ST6GALNAC3: variants seen among roughly 807,000 people sequenced by gnomAD.
ST6GALNAC3 encodes the protein ST6 N-acetylgalactosaminide alpha-2,6-sialyltransferase 3, also known as alpha-N-acetylgalactosaminide alpha-2,6-sialyltransferase 3.
A neutral mutation model predicts 32.7 loss-of-function variants in ST6GALNAC3; 25 were observed. That is an observed-to-expected ratio of 0.76 (90% CI 0.56 to 1.07). The LOEUF (loss-of-function observed/expected upper bound fraction) is 1.07, where lower values mean the gene tolerates loss of function less well. Ranked by LOEUF, ST6GALNAC3 falls within the 50% of genes least tolerant of loss-of-function variation. ST6GALNAC3 has a pLI of 0.00. For missense variants in ST6GALNAC3, 355 were observed against 382.4 expected, an observed-to-expected ratio of 0.93 and a Z score of 0.60; for synonymous variants, 129 against 133.1, an observed-to-expected ratio of 0.97 and a Z score of 0.21.
At chr1:76,635,783 C>T (rs1649489571), downstream of ST6GALNAC3, among the ~76,000 whole-genome samples, 1 of 152,088 alleles carries the variant, frequency 6.6e-6, no homozygotes, top group South Asian at 2.1e-4. Flanking sequence ...CTCTATTCGG[C>T]CTGCTAAAAG....
In ST6GALNAC3 at chr1:76,576,314, G is replaced by A. The variant is rs189139794; in HGVS notation, c.624-51138G>A. The stretch of plus-strand genomic sequence containing the variant: ...CAAAGGGTAGAATTTAATGGCACCC[G>A]TAGACACTGTGGAAAATGAAGTGTT... On this transcript the variant is annotated intron_variant, in intron 3 of 4. Transcript: ENST00000328299. 1.0e-3 allele frequency among the ~76,000 whole-genome samples: 159 copies of A among 152,178 alleles called. 2 individuals are homozygous for A. Among genetic ancestry groups the A allele is most frequent in the Middle Eastern group, 0.01 (3 of 294 alleles).
intron 1 of ST6GALNAC3, among the ~76,000 whole-genome samples, chr1:76,206,789 A>G (rs1053565852): frequency 1.3e-5 from 2 of 152,186 alleles, no homozygotes; most frequent in Non-Finnish European, 2.9e-5. Flanking sequence ...GTTATAAACA[A>G]TGATCACTAA....
At chr1:76,519,050 A>G (rs761742510) in intron 3 of ST6GALNAC3, among the ~76,000 whole-genome samples, 10 of 152,190 alleles carry the variant, frequency 6.6e-5, no homozygotes, top group Non-Finnish European at 1.5e-4. Context: ...GGAAAAAAAT[A>G]AAATAAAATG....
intron 1 of ST6GALNAC3, among the ~76,000 whole-genome samples, chr1:76,199,535 A>G (rs922001233): frequency 2.6e-5 from 4 of 152,206 alleles, no homozygotes; most frequent in Admixed American, 1.3e-4. Context: ...ATTGTTCAAT[A>G]TTGTATAATT....
intron 3 of ST6GALNAC3, among the ~76,000 whole-genome samples, chr1:76,477,904 C>A (rs1399015829): frequency 1.3e-5 from 2 of 152,200 alleles, no homozygotes; most frequent in Non-Finnish European, 2.9e-5. Context: ...CTTACTCTTT[C>A]ATGGGCTCTG....
chr1:76,348,034 A>G (rs1648662890), intron 2 of ST6GALNAC3, among the ~76,000 whole-genome samples: 1 of 152,196 alleles, frequency 6.6e-6, no homozygotes, highest in Non-Finnish European at 1.5e-5. Flanking sequence ...TCCGGTAGTA[A>G]TTGCATAATA....
intron 2 of ST6GALNAC3, among the ~76,000 whole-genome samples, chr1:76,324,476 A>G (rs192000483): frequency 6.6e-6 from 1 of 152,198 alleles, no homozygotes; most frequent in East Asian, 1.9e-4. Flanking sequence ...CCGACACTTT[A>G]CCACTGAGGC....
At chr1:76,432,441 G>A (rs1226067238) in intron 3 of ST6GALNAC3, among the ~76,000 whole-genome samples, 1 of 94,560 alleles carries the variant, frequency 1.1e-5, no homozygotes, top group East Asian at 3.0e-4. Context: ...TGCCTTTATT[G>A]CCTTTTTTTT....
chr1:76,252,409 C>A (rs908516718), intron 1 of ST6GALNAC3, among the ~76,000 whole-genome samples: 2 of 152,134 alleles, frequency 1.3e-5, no homozygotes, highest in African/African-American at 4.8e-5. Context: ...TAGTCAAGTT[C>A]TTTCATGTGG....
At chr1:76,609,618 T>G (rs900188054) in intron 3 of ST6GALNAC3, among the ~76,000 whole-genome samples, 1 of 151,924 alleles carries the variant, frequency 6.6e-6, no homozygotes, top group Admixed American at 6.6e-5. Context: ...AAATTGGGGG[T>G]GGGGAGATTA....
At chr1:76,152,256 T>C (rs1651092184) in intron 1 of ST6GALNAC3, among the ~76,000 whole-genome samples, 1 of 152,216 alleles carries the variant, frequency 6.6e-6, no homozygotes, top group Non-Finnish European at 1.5e-5. Context: ...GCTTTTTGCT[T>C]TTCCAAGGAC....
intron 2 of ST6GALNAC3, among the ~76,000 whole-genome samples, chr1:76,361,435 C>T (rs950785967): frequency 6.6e-6 from 1 of 152,120 alleles, no homozygotes; most frequent in Non-Finnish European, 1.5e-5. Context: ...TATAATATTC[C>T]ATTTTACATA....
rs118125293 is a variant in ST6GALNAC3 at position 76,475,443 on chromosome 1, A to G, written c.623+63026A>G. Among the ~76,000 whole-genome samples, 12 of 152,334 alleles carry G rather than the reference A, an allele frequency of 7.9e-5. No homozygotes were observed. In the East Asian group the frequency reaches 2.1e-3, roughly 27 times the overall value. ...AAGCACTTAGTCTGGTAAGGGCACAAGTTACTAAGTGGTAACTATAGTCAT... is the reference window on the plus strand; with the variant it reads ...AAGCACTTAGTCTGGTAAGGGCACAGGTTACTAAGTGGTAACTATAGTCAT... On this transcript the variant is annotated intron_variant, in intron 3 of 4. Coordinates refer to ENST00000328299, the MANE Select transcript of ST6GALNAC3 (RefSeq NM_152996.4).
At position 76,260,042 on chromosome 1, in the gene ST6GALNAC3, T is replaced by C. The variant is rs56188486; in HGVS notation, c.19-53763T>C. ...ACTGAAGCATGGAATAACTGGCTGG[T>C]GTTCATTGAGCTAATTTCCTTACCT... On this transcript the variant is annotated intron_variant, in intron 1 of 4. Transcript: ENST00000328299. 7.5e-3 allele frequency among the ~76,000 whole-genome samples: 1,136 copies of C among 152,186 alleles called. 16 individuals carry two copies. The highest frequency in any genetic ancestry group is 0.026 in the African/African-American group (1,085 of 41,542).
rs562740671 is a variant in ST6GALNAC3 at position 76,286,689 on chromosome 1, G to A, written c.19-27116G>A. Among the ~76,000 whole-genome samples, 169 of 152,330 alleles carry A rather than the reference G, an allele frequency of 1.1e-3. No individual in the cohort carries two copies. In the Middle Eastern group the frequency reaches 0.024, roughly 21 times the overall value. On this transcript the variant is annotated intron_variant, in intron 1 of 4. Coordinates refer to ENST00000328299, the MANE Select transcript of ST6GALNAC3 (RefSeq NM_152996.4). ...CCTCACTTGTTTATATGAAGCCACC[G>A]GCCTCATGGCCATGCCTCAGCCAAA...
intron 2 of ST6GALNAC3, among the ~76,000 whole-genome samples, chr1:76,333,548 T>G (rs966684611): frequency 6.6e-6 from 1 of 152,210 alleles, no homozygotes; most frequent in Non-Finnish European, 1.5e-5. Flanking sequence ...CAATTATGGC[T>G]TTTATATTCA....
chr1:76,274,935 A>G (rs1659050908), intron 1 of ST6GALNAC3, among the ~76,000 whole-genome samples: 1 of 152,148 alleles, frequency 6.6e-6, no homozygotes, highest in Non-Finnish European at 1.5e-5. Flanking sequence ...AAGTTGGAAA[A>G]ATGTCACTCT....
At chr1:76,114,090 G>A (rs1355141446) in intron 1 of ST6GALNAC3, among the ~76,000 whole-genome samples, 3 of 147,128 alleles carry the variant, frequency 2.0e-5, no homozygotes, top group South Asian at 2.1e-4. Context: ...TGATCCACCC[G>A]CCTCGGCCTC....
intron 3 of ST6GALNAC3, among the ~76,000 whole-genome samples, chr1:76,512,364 G>C (rs773303030): frequency 6.6e-6 from 1 of 151,854 alleles, no homozygotes; most frequent in Non-Finnish European, 1.5e-5. Context: ...GTTTTTTGTT[G>C]CTTCTTGTTA....
Sources: gnomAD v4.1 joint callset for allele counts (sites outside exome capture counted in the v4.1 genomes callset) on GRCh38, gnomAD v4.1.1 for gene constraint, MANE v1.5 for transcripts, NCBI Gene and HGNC (gene_info 2026-07-23, HGNC 2026-07-21) for gene names.